The following SMO variants were observed in gnomAD, a reference collection of about 807,000 sequenced individuals.
The protein encoded by SMO is smoothened, frizzled class receptor, also known as protein smoothened.
In SMO, 40 loss-of-function variants were observed where a neutral mutation model predicts 81.6. The ratio of observed to expected loss-of-function variants is 0.49; its 90% CI spans 0.38 to 0.64. SMO has a LOEUF of 0.64. SMO is among the 30% of genes least tolerant of loss of function. The pLI is 0.00. For missense variants in SMO, 916 were observed against 1,061.1 expected (o/e 0.86, Z 1.90); for synonymous variants, 434 against 432.1 (o/e 1.00, Z -0.05).
At chr7:129,197,617 C>T (rs193171290) in intron 1 of SMO, among the ~76,000 whole-genome samples, 2 of 152,054 alleles carry the variant, frequency 1.3e-5, no homozygotes, top group East Asian at 1.9e-4. Flanking sequence ...TTAGTAGAGA[C>T]GGGGTTTCAC....
At chr7:129,193,800 A>ATATATG (rs1793523377) in intron 1 of SMO, among the ~76,000 whole-genome samples, 2 of 105,832 alleles carry the variant, frequency 1.9e-5, no homozygotes, top group Non-Finnish European at 3.6e-5. Context: ...ATATATATAT[A>ATATATG]TATATATATA....
chr7:129,206,562 C>T lies in SMO; in HGVS notation c.1239C>T (p.Ile413=), dbSNP rs202162852. 2.0e-5 allele frequency: 32 copies of T among 1,614,194 alleles called. No homozygotes were observed. The South Asian group carries it at 2.3e-4, about 12-fold the overall frequency. Residue 413 remains isoleucine (I), a synonymous_variant, in exon 6 of 12, where the codon ATC becomes ATT. Transcript: ENST00000249373. This position sits in a 1 kb window ranked among gnomAD's most constrained non-coding sequence, Gnocchi z 4.4. ...TGGCCCCAATCGGCCTGGTGCTCAT[C>T]GTGGGAGGCTACTTCCTCATCCGAG... The part of the protein sequence containing the change: ...FVLAPIGLVL[I]VGGYFLIRGV...
intron 6 of SMO, among the ~76,000 whole-genome samples, chr7:129,207,369 G>A (rs1344253688): frequency 6.6e-6 from 1 of 152,190 alleles, no homozygotes. Context: ...AGCATGCGTG[G>A]AATTAGTGGT....
rs2150637803 is a variant in SMO at position 129,189,196 on chromosome 7, G to A, written c.45G>A (p.Leu15=). The stretch of plus-strand genomic sequence containing the variant: ...CGCGGGGGCCGGAGCTCCCGCTCCT[G>A]GGGCTGCTGCTGCTGCTGCTGCTGG... The part of the protein sequence containing the change: ...RPARGPELPL[L]GLLLLLLLGD... Residue 15 remains leucine, a synonymous_variant, in exon 1 of 12, where the codon CTG becomes CTA. Coordinates refer to ENST00000249373, the MANE Select transcript of SMO (RefSeq NM_005631.5). The surrounding 1 kb of genome is among the most constrained non-coding windows in gnomAD (Gnocchi z 4.7). The A allele has an allele frequency of 6.8e-6, 8 of 1,168,396 alleles. No homozygotes were observed. The highest frequency in any genetic ancestry group is 8.6e-6 in the Non-Finnish European group (8 of 933,700). 72.4% of individuals were successfully genotyped at this position (1,168,396 alleles called of 1,614,324 possible). A position where few individuals can be genotyped will look rare whatever the true frequency, so the allele number is the denominator to read the frequency against.
Position 129,212,401 on chromosome 7 carries a change from C to G in SMO, c.2314C>G (p.Arg772Gly), listed in dbSNP as rs140172891. The G allele has an allele frequency of 1.9e-6, 3 of 1,613,918 alleles. No individual in the cohort carries two copies. In the African/African-American group the frequency reaches 4.0e-5, roughly 22 times the overall value. Residue 772 changes from arginine to glycine, a missense_variant, in exon 12 of 12, where the codon CGC becomes GGC. Physicochemically the swap from Arg to Gly is moderately radical, Grantham distance 125. Coordinates refer to ENST00000249373, the MANE Select transcript of SMO (RefSeq NM_005631.5). The surrounding 1 kb of genome is among the most constrained non-coding windows in gnomAD (Gnocchi z 5.0). ...RRQGLGPIHS[R>G]TNLMDTELMD... ...ACAGGGCCTGGGGCCTATTCACTCC[C>G]GCACCAACCTGATGGACACAGAACT...
At position 129,212,479 on chromosome 7, in the gene SMO, A is replaced by T. The variant is rs1793893435; in HGVS notation, c.*28A>T. The stretch of plus-strand genomic sequence containing the variant: ...CTGCAGAGCAGGACCTGGGACAGGA[A>T]AGAGAGGAACCAATACCTTCAAGGC... On this transcript the variant is annotated 3_prime_UTR_variant, in exon 12 of 12. Transcript: ENST00000249373. The surrounding 1 kb of genome is among the most constrained non-coding windows in gnomAD (Gnocchi z 5.0). 6.3e-7 allele frequency: 1 copy of T among 1,594,372 alleles called. No homozygotes were observed. Among genetic ancestry groups the T allele is most frequent in the South Asian group, 1.1e-5 (1 of 90,222 alleles).
At position 129,206,475 on chromosome 7, in the gene SMO, C is replaced by T. The variant is rs2150650638; in HGVS notation, c.1152C>T (p.Asp384=). The T allele has an allele frequency of 6.2e-7, 1 of 1,614,116 alleles. No homozygotes were observed. Among genetic ancestry groups the T allele is most frequent in the Non-Finnish European group, 8.5e-7 (1 of 1,179,966 alleles). The change falls in exon 6 of 12, where the codon GAC becomes GAT. Residue 384 remains aspartate, a synonymous_variant. Transcript: ENST00000249373. The surrounding 1 kb of genome is among the most constrained non-coding windows in gnomAD (Gnocchi z 4.4). Reference sequence around the variant, plus strand: ...CCTTCCTGCTGCAGGTGGATGGGGACTCTGTGAGTGGGATTTGTTTTGTGG... The same window carrying T: ...CCTTCCTGCTGCAGGTGGATGGGGATTCTGTGAGTGGGATTTGTTTTGTGG... ...AILAVAQVDG[D]SVSGICFVGY... is the part of the protein sequence containing the mutation.
Position 129,209,299 on chromosome 7 carries a change from C to T in SMO, c.1368C>T (p.Gly456=), listed in dbSNP as rs761937447. Residue 456 remains glycine, a synonymous_variant, in exon 8 of 12, where the codon GGC becomes GGT. Transcript: ENST00000249373. ...NETMLRLGIF[G]FLAFGFVLIT... is the part of the protein sequence containing the mutation. ...CCCTGTCCTCCACAGGCATTTTTGG[C>T]TTCCTGGCCTTTGGCTTTGTGCTCA... The T allele has an allele frequency of 3.1e-6, 5 of 1,612,820 alleles. No homozygotes were observed. The Admixed American group carries it at 8.3e-5, about 27-fold the overall frequency.
In SMO at chr7:129,208,803, C is replaced by CT; in HGVS notation, c.1310dup (p.Ser438GlufsTer2). ...CATCAAGAGCAACCACCCCGGGCTG[C>CT]TGAGTGAGAAGGCTGCCAGCAAGAT... On this transcript the variant is annotated frameshift_variant, in exon 7 of 12. Coordinates refer to ENST00000249373, the MANE Select transcript of SMO (RefSeq NM_005631.5). LOFTEE classifies it high-confidence loss of function. The surrounding 1 kb of genome is among the most constrained non-coding windows in gnomAD (Gnocchi z 5.2). The CT allele has an allele frequency of 6.2e-7, 1 of 1,614,030 alleles. No individual in the cohort carries two copies. The highest frequency in any genetic ancestry group is 1.3e-5 in the African/African-American group (1 of 75,032).
At position 129,188,928 on chromosome 7, in the gene SMO, C is replaced by T. The variant is rs571842884; in HGVS notation, c.-224C>T. 1 of 345,774 alleles carries T rather than the reference C, an allele frequency of 2.9e-6. No homozygotes were observed. Among genetic ancestry groups the T allele is most frequent in the East Asian group, 4.1e-5 (1 of 24,326 alleles). The allele number at this position is 345,774 out of a possible 1,614,324, so 21.4% of individuals were successfully genotyped here. On this transcript the variant is annotated 5_prime_UTR_variant, in exon 1 of 12. Coordinates refer to ENST00000249373, the MANE Select transcript of SMO (RefSeq NM_005631.5). The surrounding 1 kb of genome is among the most constrained non-coding windows in gnomAD (Gnocchi z 4.9). ...GGCTTGGGGAGTCGTGCATCCCGTT[C>T]CGGGCCTCCGCAGCCCAACATGGGC...
At position 129,210,858 on chromosome 7, in the gene SMO, C is replaced by T. The variant is rs1454809016; in HGVS notation, c.1653-107C>T. 6 of 1,291,272 alleles carry T rather than the reference C, an allele frequency of 4.6e-6. No individual in the cohort carries two copies. The African/African-American group carries it at 8.9e-5, about 19-fold the overall frequency. The allele number at this position is 1,291,272 out of a possible 1,614,324, so 80.0% of individuals were successfully genotyped here. ...CCTGAGTCCTTGAAGGACTTGAGGC[C>T]CTTGGGAGCCTCCTTCTCTGGAAAG... On this transcript the variant is annotated intron_variant, in intron 9 of 11. Coordinates refer to ENST00000249373, the MANE Select transcript of SMO (RefSeq NM_005631.5). This position sits in a 1 kb window ranked among gnomAD's most constrained non-coding sequence, Gnocchi z 4.7.
Position 129,210,623 on chromosome 7 carries a change from C to T in SMO, c.1652+75C>T, listed in dbSNP as rs542003601. 2.5e-5 allele frequency: 31 copies of T among 1,217,756 alleles called. No homozygotes were observed. The highest frequency in any genetic ancestry group is 1.4e-4 in the East Asian group (6 of 42,650). The allele number at this position is 1,217,756 out of a possible 1,614,324, so 75.4% of individuals were successfully genotyped here. On this transcript the variant is annotated intron_variant, in intron 9 of 11. Transcript: ENST00000249373. The surrounding 1 kb of genome is among the most constrained non-coding windows in gnomAD (Gnocchi z 4.7). ...TTGGGACCCCATCTTTAGGTTTTGT[C>T]GGGTCCTGCCTCTAGCACAGCCTTG...
chr7:129,194,409 A>G (rs1793537031), intron 1 of SMO, among the ~76,000 whole-genome samples: 1 of 152,046 alleles, frequency 6.6e-6, no homozygotes, highest in Non-Finnish European at 1.5e-5. Context: ...TTTAATTGTG[A>G]AATATAACTG....
At position 129,210,850 on chromosome 7, in the gene SMO, C is replaced by G. The variant is rs1793857174; in HGVS notation, c.1653-115C>G. The G allele has an allele frequency of 8.4e-7, 1 of 1,183,728 alleles. No homozygotes were observed. The highest frequency in any genetic ancestry group is 1.2e-6 in the Non-Finnish European group (1 of 840,512). The allele number at this position is 1,183,728 out of a possible 1,614,324, so 73.3% of individuals were successfully genotyped here. ...CCTCTACTCCTGAGTCCTTGAAGGA[C>G]TTGAGGCCCTTGGGAGCCTCCTTCT... is the stretch of plus-strand genomic sequence containing the variant. On this transcript the variant is annotated intron_variant, in intron 9 of 11. Transcript: ENST00000249373. This position sits in a 1 kb window ranked among gnomAD's most constrained non-coding sequence, Gnocchi z 4.7.
Position 129,205,194 on chromosome 7 carries a change from T to A in SMO, c.538-9T>A. 1 of 1,613,562 alleles carries A rather than the reference T, an allele frequency of 6.2e-7. No homozygotes were observed. The highest frequency in any genetic ancestry group is 8.5e-7 in the Non-Finnish European group (1 of 1,179,524). On this transcript the variant is annotated splice_polypyrimidine_tract_variant and intron_variant, in intron 2 of 11. Transcript: ENST00000249373. ...CCTTGACACCGTCTTTTCCCATCCC[T>A]GGTGCCAGAATGAGGTGCAGAACAT... is the stretch of plus-strand genomic sequence containing the variant.
chr7:129,205,906 C>T, intron 4 of SMO, 124 bp downstream of exon 4: 3 of 821,988 alleles, frequency 3.6e-6, no homozygotes, highest in Non-Finnish European at 5.7e-6. Flanking sequence ...TGCCCTACTG[C>T]ATACTGCATG....
intron 1 of SMO, among the ~76,000 whole-genome samples, chr7:129,193,788 ATATATATAT>A (rs1793522397): frequency 3.8e-5 from 2 of 52,960 alleles, no homozygotes; most frequent in African/African-American, 7.2e-5. Context: ...AAAAAAAAAT[ATATATATAT>A]ATATATATAT....
At chr7:129,199,640 G>T (rs951963529) in intron 1 of SMO, among the ~76,000 whole-genome samples, 3 of 152,132 alleles carry the variant, frequency 2.0e-5, no homozygotes, top group East Asian at 3.8e-4. Flanking sequence ...GGAGGTTGAG[G>T]TGGGAGGATT....
intron 1 of SMO, among the ~76,000 whole-genome samples, chr7:129,193,426 A>T (rs1393109655): frequency 1.3e-5 from 2 of 152,112 alleles, no homozygotes; most frequent in East Asian, 3.9e-4. Context: ...ATTTCCTTAG[A>T]GCTATTTCCA....
Sources: gnomAD v4.1 joint callset for allele counts (sites outside exome capture counted in the v4.1 genomes callset) on GRCh38, gnomAD v4.1.1 for gene constraint, Gnocchi (gnomAD v3.1) non-coding constraint, MANE v1.5 for transcripts, NCBI Gene and HGNC (gene_info 2026-07-23, HGNC 2026-07-21) for gene names.